The following MYO10 variants were observed in gnomAD, a reference collection of about 807,000 sequenced individuals.
MYO10 encodes the protein unconventional myosin-X.
A neutral mutation model predicts 257.3 loss-of-function variants in MYO10; 133 were observed. The observed-to-expected ratio is 0.52, with a 90% confidence interval of 0.45 to 0.60. MYO10 has a LOEUF of 0.60. Ranked by LOEUF, MYO10 falls within the 20% of genes least tolerant of loss-of-function variation. The pLI is 0.00. For missense variants in MYO10, 2,399 were observed against 2,635.7 expected, an observed-to-expected ratio of 0.91 and a Z score of 1.97; for synonymous variants, 1,104 against 1,028.6, an observed-to-expected ratio of 1.07 and a Z score of -1.40.
chr5:16,668,738 T>C (rs1736296060), intron 39 of MYO10, among the ~76,000 whole-genome samples: 2 of 152,204 alleles, frequency 1.3e-5, no homozygotes, highest in South Asian at 4.1e-4. Context: ...CTCAGCATTA[T>C]TCTACTAGCT....
At chr5:16,707,631 G>A (rs2126567696) in intron 21 of MYO10, among the ~76,000 whole-genome samples, 1 of 152,322 alleles carries the variant, frequency 6.6e-6, no homozygotes, top group African/African-American at 2.4e-5. Flanking sequence ...AAAAGTAAAA[G>A]TCTTGAGTCT....
intron 2 of MYO10, among the ~76,000 whole-genome samples, chr5:16,856,417 G>C (rs1032651726): frequency 6.6e-6 from 1 of 152,150 alleles, no homozygotes; most frequent in South Asian, 2.1e-4. Context: ...GGGCGTGGTG[G>C]TGTACACCTG....
At chr5:16,673,347 CAA>C (rs1736561905) in intron 36 of MYO10, among the ~76,000 whole-genome samples, 1 of 151,964 alleles carries the variant, frequency 6.6e-6, no homozygotes, top group Non-Finnish European at 1.5e-5. Context: ...CACGTGCAAA[CAA>C]ACACTTTGTT....
At chr5:16,817,152 T>C (rs1742648606) in intron 3 of MYO10, among the ~76,000 whole-genome samples, 1 of 152,272 alleles carries the variant, frequency 6.6e-6, no homozygotes, top group Non-Finnish European at 1.5e-5. Flanking sequence ...ATCACAAACA[T>C]ATTGGCAAAG....
intron 1 of MYO10, among the ~76,000 whole-genome samples, chr5:16,912,152 C>T (rs1045692464): frequency 6.6e-6 from 1 of 152,150 alleles, no homozygotes; most frequent in African/African-American, 2.4e-5. Flanking sequence ...TCCAATGTGG[C>T]CCAGGGAAGC....
intron 25 of MYO10, among the ~76,000 whole-genome samples, chr5:16,699,929 T>C (rs1176031409): frequency 1.3e-5 from 2 of 152,040 alleles, no homozygotes; most frequent in Admixed American, 6.6e-5. Flanking sequence ...AATTGATACA[T>C]GAAAGACAAG....
intron 19 of MYO10, among the ~76,000 whole-genome samples, chr5:16,754,022 CAATTAAATTACATAAA>C (rs1560966742): frequency 6.6e-6 from 1 of 151,918 alleles, no homozygotes; most frequent in East Asian, 1.9e-4. Flanking sequence ...AATTACATTA[CAATTAAATTACATAAA>C]AATTACATTA....
At chr5:16,901,555 C>T (rs1054344888) in intron 1 of MYO10, among the ~76,000 whole-genome samples, 4 of 152,206 alleles carry the variant, frequency 2.6e-5, no homozygotes, top group Non-Finnish European at 1.5e-5. Context: ...CAACTCACTT[C>T]CCCAAGCTTA....
chr5:16,717,902 G>C (rs1401717956), intron 19 of MYO10, among the ~76,000 whole-genome samples: 4 of 152,206 alleles, frequency 2.6e-5, no homozygotes, highest in African/African-American at 4.8e-5. Flanking sequence ...CCCCTTTCTG[G>C]TCTGGCCAAG....
intron 4 of MYO10, 58 bp from the exon 5 acceptor site, chr5:16,783,527 G>T: frequency 2.6e-6 from 4 of 1,539,458 alleles, no homozygotes; most frequent in Non-Finnish European, 3.5e-6. Context: ...AAAAAAATCA[G>T]CTTTGGTCAA....
intron 1 of MYO10, among the ~76,000 whole-genome samples, chr5:16,879,653 A>G (rs915534484): frequency 6.6e-6 from 1 of 152,192 alleles, no homozygotes; most frequent in Non-Finnish European, 1.5e-5. Context: ...CTTCCCACAC[A>G]TCACACTGAC....
chr5:16,747,819 T>G (rs544858532), intron 19 of MYO10, among the ~76,000 whole-genome samples: 1 of 147,044 alleles, frequency 6.8e-6, no homozygotes, highest in Non-Finnish European at 1.5e-5. Context: ...CTTGGGAGGC[T>G]GAGGCAGGAG....
At chr5:16,700,051 T>C (rs1737970487) in intron 25 of MYO10, among the ~76,000 whole-genome samples, 1 of 152,182 alleles carries the variant, frequency 6.6e-6, no homozygotes, top group Non-Finnish European at 1.5e-5. Flanking sequence ...ATATTAAATA[T>C]ATTTTCAAAT....
intron 2 of MYO10, among the ~76,000 whole-genome samples, chr5:16,855,044 C>CAA (rs202109565): frequency 0.012 from 1,811 of 151,282 alleles, 32 homozygotes; most frequent in Middle Eastern, 0.034. Context: ...AAAAAAAAAA[C>CAA]CAAAAAAACT....
At chr5:16,855,658 C>T (rs1378295479) in intron 2 of MYO10, among the ~76,000 whole-genome samples, 2 of 152,158 alleles carry the variant, frequency 1.3e-5, no homozygotes, top group African/African-American at 4.8e-5. Context: ...CTTTTGAGTC[C>T]TTTGTTACAA....
intron 22 of MYO10, 97 bp from the exon 23 acceptor site, chr5:16,703,255 C>A (rs776310646): frequency 2.5e-5 from 23 of 924,128 alleles, no homozygotes; most frequent in Non-Finnish European, 3.4e-5. Flanking sequence ...AAAAGAGGAC[C>A]CAGTTTTAGA....
chr5:16,880,488 G>C (rs572492869), intron 1 of MYO10, among the ~76,000 whole-genome samples: 2 of 151,870 alleles, frequency 1.3e-5, no homozygotes, highest in East Asian at 3.9e-4. Context: ...TCATTTCCCT[G>C]GTACATGCTA....
At chr5:16,713,580 C>T in intron 19 of MYO10, 1 of 829,708 alleles carries the variant, frequency 1.2e-6, no homozygotes, top group Non-Finnish European at 1.5e-6. Flanking sequence ...AAGGAGCGGC[C>T]TCGAGATCCA....
Position 16,682,421 on chromosome 5 carries a change from T to C in MYO10, c.4047-408A>G, listed in dbSNP as rs1046176163. ...GTCAGACACCAGCAATAAAAGAGGA[T>C]CAGTAAATAGGTGTAGGTGGAGCAT... On this transcript the variant is annotated intron_variant, in intron 30 of 40. Transcript: ENST00000513610. Among the ~76,000 whole-genome samples, 8 of 152,170 alleles carry C rather than the reference T, an allele frequency of 5.3e-5. No homozygotes were observed. In the South Asian group the frequency reaches 6.2e-4, roughly 12 times the overall value.
Sources: allele counts gnomAD v4.1 joint callset (sites outside exome capture counted in the v4.1 genomes callset), GRCh38; gene constraint gnomAD v4.1.1; transcripts MANE v1.5; gene names NCBI Gene and HGNC (gene_info 2026-07-23, HGNC 2026-07-21).